The following PRKG1 variants were observed in gnomAD, a reference collection of about 807,000 sequenced individuals.
PRKG1 encodes the protein protein kinase cGMP-dependent 1, also known as cGMP-dependent protein kinase 1.
In PRKG1, 35 loss-of-function variants were observed where a neutral mutation model predicts 88.1. That is an observed-to-expected ratio of 0.40 (90% CI 0.30 to 0.53). The LOEUF (loss-of-function observed/expected upper bound fraction) is 0.53, where lower values mean the gene tolerates loss of function less well. Among genes scored for constraint, PRKG1 ranks in the 20% least tolerant of loss-of-function variants. PRKG1 has a pLI of 0.59. For synonymous variants in PRKG1, 303 were observed against 292.5 expected (o/e 1.04, Z -0.37); for missense variants, 540 against 839.8 (o/e 0.64, Z 4.41).
At chr10:52,167,766 C>CTG (rs1589667351) in intron 9 of PRKG1, among the ~76,000 whole-genome samples, 1 of 152,288 alleles carries the variant, frequency 6.6e-6, no homozygotes, top group African/African-American at 2.4e-5. Context: ...CTGCCCTAGG[C>CTG]TCCATCCTTC....
At chr10:52,188,280 A>ATG (rs1839265046) in intron 9 of PRKG1, among the ~76,000 whole-genome samples, 1 of 25,092 alleles carries the variant, frequency 4.0e-5, no homozygotes, top group East Asian at 1.9e-3. Flanking sequence ...ATATATATAC[A>ATG]TATATATGTG....
intron 5 of PRKG1, among the ~76,000 whole-genome samples, chr10:52,053,246 T>C (rs1183831027): frequency 2.6e-5 from 4 of 151,994 alleles, no homozygotes; most frequent in South Asian, 4.1e-4. Context: ...TATTTAAAAA[T>C]CTTGTTCCTA....
At chr10:52,148,262 G>A (rs758733125) in intron 8 of PRKG1, among the ~76,000 whole-genome samples, 3 of 152,118 alleles carry the variant, frequency 2.0e-5, no homozygotes, top group Non-Finnish European at 4.4e-5. Flanking sequence ...TGTTATCTTA[G>A]TGGGCAGGGT....
intron 2 of PRKG1, among the ~76,000 whole-genome samples, chr10:51,463,935 T>C (rs953351839): frequency 6.6e-6 from 1 of 152,184 alleles, no homozygotes; most frequent in African/African-American, 2.4e-5. Flanking sequence ...ACAGACACTG[T>C]GTTTTGTTTA....
intron 3 of PRKG1, among the ~76,000 whole-genome samples, chr10:51,677,559 C>G (rs917639443): frequency 6.6e-6 from 1 of 152,164 alleles, no homozygotes; most frequent in South Asian, 2.1e-4. Context: ...TCTGCCACAA[C>G]AGAACAGTAA....
At chr10:51,136,621 G>T (rs1845691621) in intron 1 of PRKG1, among the ~76,000 whole-genome samples, 1 of 148,438 alleles carries the variant, frequency 6.7e-6, no homozygotes, top group African/African-American at 2.5e-5. Context: ...GAAGAGGAAG[G>T]GAGATGAAAA....
At chr10:50,993,091 C>T (rs540891389) in intron 1 of PRKG1, among the ~76,000 whole-genome samples, 24 of 152,248 alleles carry the variant, frequency 1.6e-4, no homozygotes, top group Non-Finnish European at 3.1e-4. Flanking sequence ...CCCACTGCAC[C>T]TCCTCCGTGT....
intron 9 of PRKG1, among the ~76,000 whole-genome samples, chr10:52,214,238 G>T (rs921656378): frequency 6.6e-6 from 1 of 152,130 alleles, no homozygotes; most frequent in Admixed American, 6.6e-5. Context: ...GAGGAAGTAA[G>T]GGTTCTGCTT....
intron 5 of PRKG1, among the ~76,000 whole-genome samples, chr10:51,972,649 AT>A (rs1251592614): frequency 2.0e-5 from 3 of 151,984 alleles, no homozygotes; most frequent in Non-Finnish European, 4.4e-5. Flanking sequence ...CTGCTTTTAT[AT>A]TTTTTTCCTG....
chr10:51,928,638 A>G (rs1222112859), intron 5 of PRKG1, among the ~76,000 whole-genome samples: 1 of 152,120 alleles, frequency 6.6e-6, no homozygotes, highest in African/African-American at 2.4e-5. Flanking sequence ...GTTATCGGAT[A>G]TTTTCCAAAG....
At chr10:51,792,269 C>A (rs186189011) in intron 3 of PRKG1, among the ~76,000 whole-genome samples, 79 of 151,980 alleles carry the variant, frequency 5.2e-4, no homozygotes, top group African/African-American at 1.8e-3. Context: ...ACTCTTGATC[C>A]CGTGTTTATA....
chr10:51,231,811 A>T (rs886682236), intron 2 of PRKG1, among the ~76,000 whole-genome samples: 7 of 152,128 alleles, frequency 4.6e-5, no homozygotes, highest in African/African-American at 1.4e-4. Context: ...GCCAAGTTTT[A>T]CATTGCAATC....
intron 1 of PRKG1, among the ~76,000 whole-genome samples, chr10:51,011,320 C>T (rs1842991330): frequency 1.3e-5 from 2 of 152,012 alleles, no homozygotes; most frequent in Non-Finnish European, 2.9e-5. Context: ...CTCTACCCAC[C>T]AGTAACAGCC....
At chr10:51,430,701 T>C (rs1363876052) in intron 2 of PRKG1, among the ~76,000 whole-genome samples, 1 of 152,182 alleles carries the variant, frequency 6.6e-6, no homozygotes, top group Non-Finnish European at 1.5e-5. Context: ...AATCCAGGTA[T>C]CTATCAACTA....
At chr10:51,297,057 G>T (rs1297618460) in intron 2 of PRKG1, among the ~76,000 whole-genome samples, 1 of 152,010 alleles carries the variant, frequency 6.6e-6, no homozygotes. Flanking sequence ...AACAATAAAT[G>T]CAAAGCATTG....
chr10:51,469,318 A>C (rs1253178969), intron 3 of PRKG1, among the ~76,000 whole-genome samples: 5 of 151,862 alleles, frequency 3.3e-5, no homozygotes, highest in Non-Finnish European at 5.9e-5. Flanking sequence ...GAAGTATTTA[A>C]AATTTTTAAA....
chr10:52,271,514 A>G (rs748321003), intron 11 of PRKG1, 25 bp downstream of exon 11: 1 of 1,603,746 alleles, frequency 6.2e-7, no homozygotes, highest in South Asian at 1.1e-5. Context: ...CCAGGGACAG[A>G]CGTACCCAAC....
At chr10:51,804,526 C>T (rs1839255353) in intron 3 of PRKG1, 59 bp from the exon 4 acceptor site, 1 of 1,181,944 alleles carries the variant, frequency 8.5e-7, no homozygotes, top group African/African-American at 1.5e-5. Flanking sequence ...GGATGTTGTT[C>T]ACAGTTGAAA....
chr10:51,390,141 T>A (rs1837359244), intron 2 of PRKG1, among the ~76,000 whole-genome samples: 2 of 152,208 alleles, frequency 1.3e-5, no homozygotes, highest in African/African-American at 4.8e-5. Context: ...TAGTACAGCA[T>A]TTAAGGCAGA....
Sources: allele counts gnomAD v4.1 joint callset (sites outside exome capture counted in the v4.1 genomes callset), GRCh38; gene constraint gnomAD v4.1.1; transcripts MANE v1.5; gene names NCBI Gene and HGNC (gene_info 2026-07-23, HGNC 2026-07-21).